CTNNA2: variants seen among roughly 807,000 people sequenced by gnomAD.
CTNNA2 encodes the protein catenin alpha-2.
In CTNNA2, 42 loss-of-function variants were observed where a neutral mutation model predicts 101.0. The observed-to-expected ratio is 0.42, with a 90% confidence interval of 0.32 to 0.54. The LOEUF is 0.54. Ranked by LOEUF, CTNNA2 falls within the 20% of genes least tolerant of loss-of-function variation. The pLI is 0.14. For synonymous variants in CTNNA2, 450 were observed against 456.4 expected (o/e 0.99, Z 0.18); for missense variants, 871 against 1,223.1 (o/e 0.71, Z 4.29).
At chr2:80,323,982 A>T (rs114891966) in intron 7 of CTNNA2, among the ~76,000 whole-genome samples, 1,528 of 152,284 alleles carry the variant, frequency 0.01, 25 homozygotes, top group African/African-American at 0.035. Context: ...TAAAGCTGCA[A>T]TTAAAGATTG....
At chr2:79,407,074 C>T (rs535656111) in intron 4 of CTNNA2, among the ~76,000 whole-genome samples, 1 of 152,136 alleles carries the variant, frequency 6.6e-6, no homozygotes, top group East Asian at 1.9e-4. Flanking sequence ...ACCCTGGACT[C>T]ATTTATTTAT....
In CTNNA2 at chr2:80,276,393, A is replaced by G. The variant is rs549037432; in HGVS notation, c.1057-116818A>G. Among the ~76,000 whole-genome samples the G allele has an allele frequency of 1.5e-4, 23 of 152,264 alleles. No individual in the cohort carries two copies. In the East Asian group the frequency reaches 2.1e-3, roughly 14 times the overall value. The stretch of plus-strand genomic sequence containing the variant: ...TCCAAGCTGCTTCATCTCTACCTCA[A>G]TAGTATGGACTGTAACCCAGTTCTG... On this transcript the variant is annotated intron_variant, in intron 7 of 18. Transcript: ENST00000402739.
At chr2:79,642,096 T>C (rs575389885) in intron 1 of CTNNA2, among the ~76,000 whole-genome samples, 1 of 152,318 alleles carries the variant, frequency 6.6e-6, no homozygotes, top group Non-Finnish European at 1.5e-5. Context: ...CTGAAAAGGG[T>C]ATACTAGTTT....
chr2:79,452,467 C>A (rs893829881), intron 4 of CTNNA2, among the ~76,000 whole-genome samples: 6 of 151,806 alleles, frequency 4.0e-5, no homozygotes, highest in Non-Finnish European at 5.9e-5. Context: ...ATAACCGTGG[C>A]GCATAATTCA....
At chr2:80,570,027 A>G (rs1025833263) in intron 12 of CTNNA2, among the ~76,000 whole-genome samples, 1 of 151,720 alleles carries the variant, frequency 6.6e-6, no homozygotes, top group African/African-American at 2.4e-5. Context: ...TCATTGTTCT[A>G]TAAACTTTTG....
At chr2:80,117,178 C>G (rs1448496742) in intron 7 of CTNNA2, among the ~76,000 whole-genome samples, 1 of 151,922 alleles carries the variant, frequency 6.6e-6, no homozygotes, top group Non-Finnish European at 1.5e-5. Flanking sequence ...TATGTTGGAC[C>G]TTTAGGCAAG....
At chr2:79,253,150 G>T (rs1674795097) in intron 2 of CTNNA2, among the ~76,000 whole-genome samples, 1 of 152,174 alleles carries the variant, frequency 6.6e-6, no homozygotes, top group Middle Eastern at 3.2e-3. Flanking sequence ...CAGATGAATT[G>T]TAAGGTTCCT....
chr2:80,588,898 G>A (rs545063271), intron 14 of CTNNA2, among the ~76,000 whole-genome samples: 2 of 152,094 alleles, frequency 1.3e-5, no homozygotes, highest in African/African-American at 2.4e-5. Context: ...ACAGAAGGCC[G>A]TTTTTCTTTT....
At chr2:79,533,317 A>G (rs1177239515) in intron 1 of CTNNA2, among the ~76,000 whole-genome samples, 1 of 152,114 alleles carries the variant, frequency 6.6e-6, no homozygotes, top group Non-Finnish European at 1.5e-5. Flanking sequence ...TATACCTTAC[A>G]ATGTGTATCA....
In CTNNA2 at chr2:80,574,278, C is replaced by A; in HGVS notation, c.1857C>A (p.Gly619=). The part of the protein sequence containing the change: ...FIDASRLVYD[G]VRDIRKAVLM... ...ATGCCTCTCGCCTGGTGTATGATGG[C>A]GTTCGGGACATCAGAAAGGCTGTGC... Residue 619 remains glycine (G), a synonymous_variant, in exon 13 of 19, where the codon GGC becomes GGA. Coordinates refer to ENST00000402739, the MANE Select transcript of CTNNA2 (RefSeq NM_001282597.3). The A allele has an allele frequency of 6.2e-7, 1 of 1,612,946 alleles. No homozygotes were observed. The highest frequency in any genetic ancestry group is 8.5e-7 in the Non-Finnish European group (1 of 1,179,212).
Position 79,940,904 on chromosome 2 carries a change from T to C in CTNNA2, c.1056+31107T>C, listed in dbSNP as rs151267657. 6.3e-3 allele frequency among the ~76,000 whole-genome samples: 965 copies of C among 152,360 alleles called. 9 individuals carry two copies. Among genetic ancestry groups the C allele is most frequent in the Middle Eastern group, 0.02 (6 of 294 alleles). ...CAAAAATCGATTTCTACTGAATGCA[T>C]ATTGCTTTCTCACCATCAAAATGTT... is the stretch of plus-strand genomic sequence containing the variant. On this transcript the variant is annotated intron_variant, in intron 7 of 18. Transcript: ENST00000402739.
chr2:80,463,157 C>G (rs1425900828), intron 9 of CTNNA2, among the ~76,000 whole-genome samples: 2 of 152,144 alleles, frequency 1.3e-5, no homozygotes, highest in Admixed American at 6.5e-5. Context: ...TAAATACTGT[C>G]TGACAAATCC....
intron 7 of CTNNA2, among the ~76,000 whole-genome samples, chr2:79,926,946 G>T (rs980925939): frequency 1.3e-5 from 2 of 152,066 alleles, no homozygotes; most frequent in Non-Finnish European, 2.9e-5. Context: ...GAGCTGGGTT[G>T]AGATACTGAA....
chr2:79,477,386 G>A (rs1369170651), intron 4 of CTNNA2, among the ~76,000 whole-genome samples: 1 of 151,882 alleles, frequency 6.6e-6, no homozygotes, highest in African/African-American at 2.4e-5. Flanking sequence ...GGCCAGGCTA[G>A]TCTCAAACTC....
intron 14 of CTNNA2, among the ~76,000 whole-genome samples, chr2:80,583,387 A>G (rs989897293): frequency 1.3e-5 from 2 of 152,132 alleles, no homozygotes; most frequent in Non-Finnish European, 1.5e-5. Context: ...CCCCCCTAAA[A>G]TGTTGAAAAT....
At chr2:79,792,839 A>G (rs1235674465) in intron 3 of CTNNA2, among the ~76,000 whole-genome samples, 1 of 152,198 alleles carries the variant, frequency 6.6e-6, no homozygotes, top group African/African-American at 2.4e-5. Flanking sequence ...AAAGAACCTG[A>G]TCAATGATAA....
intron 15 of CTNNA2, among the ~76,000 whole-genome samples, chr2:80,596,514 G>A (rs767239862): frequency 1.9e-4 from 28 of 151,196 alleles, no homozygotes; most frequent in Admixed American, 8.6e-4. Flanking sequence ...GGGCTTCACC[G>A]TGTTCGCCAG....
chr2:80,258,222 C>T (rs1672324443), intron 7 of CTNNA2, among the ~76,000 whole-genome samples: 1 of 152,106 alleles, frequency 6.6e-6, no homozygotes, highest in Non-Finnish European at 1.5e-5. Context: ...CTATCTTGGG[C>T]AGAATGACAG....
intron 1 of CTNNA2, among the ~76,000 whole-genome samples, chr2:79,596,280 C>T (rs555629662): frequency 3.2e-4 from 48 of 151,812 alleles, no homozygotes; most frequent in Admixed American, 2.7e-3. Flanking sequence ...TAGAAAGTTA[C>T]AGGAGATAGT....
Sources: gnomAD v4.1 joint callset for allele counts (sites outside exome capture counted in the v4.1 genomes callset) on GRCh38, gnomAD v4.1.1 for gene constraint, MANE v1.5 for transcripts, NCBI Gene and HGNC (gene_info 2026-07-23, HGNC 2026-07-21) for gene names.